Variants in NTRK2 observed in about 807,000 individuals in gnomAD.
NTRK2 encodes BDNF/NT-3 growth factors receptor.
Under a neutral mutation model 94.5 loss-of-function variants are expected in NTRK2, and 13 were observed. That is an observed-to-expected ratio of 0.14 (90% CI 0.09 to 0.22). The LOEUF (loss-of-function observed/expected upper bound fraction) is 0.22. NTRK2 is among the 10% of genes least tolerant of loss of function. The pLI, the probability that NTRK2 is intolerant of heterozygous loss-of-function variation, is 1.00. For synonymous variants in NTRK2, 372 were observed against 407.4 expected, an observed-to-expected ratio of 0.91 and a Z score of 1.05; for missense variants, 639 against 1,071.2, an observed-to-expected ratio of 0.60 and a Z score of 5.63.
At chr9:84,993,339 A>G (rs1829329961) in intron 17 of NTRK2, among the ~76,000 whole-genome samples, 1 of 152,140 alleles carries the variant, frequency 6.6e-6, no homozygotes, top group African/African-American at 2.4e-5. Context: ...TTATCTCAAC[A>G]CAGGCAGCTC....
intron 17 of NTRK2, among the ~76,000 whole-genome samples, chr9:84,986,633 A>G (rs1221702922): frequency 1.3e-5 from 2 of 151,942 alleles, no homozygotes; most frequent in Non-Finnish European, 2.9e-5. Context: ...TTTTTTTGCC[A>G]CCTTACAATA....
At chr9:84,702,574 G>C (rs1242724492) in intron 4 of NTRK2, among the ~76,000 whole-genome samples, 155 bp downstream of exon 4, 2 of 152,100 alleles carry the variant, frequency 1.3e-5, no homozygotes, top group East Asian at 3.9e-4. Context: ...GATTTTGTTT[G>C]ATTTTTTGAA....
At chr9:84,986,431 T>C (rs1313437509) in intron 17 of NTRK2, among the ~76,000 whole-genome samples, 1 of 152,186 alleles carries the variant, frequency 6.6e-6, no homozygotes, top group Non-Finnish European at 1.5e-5. Context: ...CAGTAGGGTT[T>C]GTGCTTTTAT....
At chr9:84,754,120 G>C (rs560048646) in intron 12 of NTRK2, among the ~76,000 whole-genome samples, 1 of 152,288 alleles carries the variant, frequency 6.6e-6, no homozygotes, top group South Asian at 2.1e-4. Context: ...CCACTAAAGC[G>C]TCTACGTTTT....
chr9:84,912,758 C>T (rs1210141951), intron 14 of NTRK2, among the ~76,000 whole-genome samples: 1 of 151,774 alleles, frequency 6.6e-6, no homozygotes, highest in East Asian at 1.9e-4. Context: ...GCTGCGACTA[C>T]AGGCGCCCAC....
At chr9:84,844,858 A>G (rs192300399) in intron 12 of NTRK2, among the ~76,000 whole-genome samples, 3 of 152,180 alleles carry the variant, frequency 2.0e-5, no homozygotes, top group African/African-American at 7.2e-5. Flanking sequence ...CATCCATGTA[A>G]CCAAAAAACA....
At chr9:84,969,670 T>C (rs1825964956) in intron 17 of NTRK2, among the ~76,000 whole-genome samples, 1 of 152,198 alleles carries the variant, frequency 6.6e-6, no homozygotes, top group Non-Finnish European at 1.5e-5. Flanking sequence ...TCTATAACAA[T>C]AATAATGTGG....
intron 2 of NTRK2, among the ~76,000 whole-genome samples, chr9:84,677,917 C>T (rs1411411853): frequency 6.6e-6 from 1 of 152,102 alleles, no homozygotes; most frequent in Non-Finnish European, 1.5e-5. Context: ...TCTTCTTGTA[C>T]AAAATAAAAC....
chr9:84,934,783 G>C (rs2078159141), intron 15 of NTRK2, among the ~76,000 whole-genome samples: 1 of 152,052 alleles, frequency 6.6e-6, no homozygotes, highest in African/African-American at 2.4e-5. Flanking sequence ...AAATCTCCAG[G>C]GTTTTATATA....
intron 9 of NTRK2, among the ~76,000 whole-genome samples, chr9:84,733,929 T>C (rs1334446689): frequency 6.6e-6 from 1 of 152,206 alleles, no homozygotes; most frequent in African/African-American, 2.4e-5. Context: ...TCAGATCTGA[T>C]GTTTGAACTT....
intron 17 of NTRK2, among the ~76,000 whole-genome samples, chr9:84,986,593 T>C (rs1828336929): frequency 6.6e-6 from 1 of 151,570 alleles, no homozygotes; most frequent in South Asian, 2.1e-4. Flanking sequence ...ATCCCTGCTC[T>C]AGAGGGATTG....
intron 14 of NTRK2, among the ~76,000 whole-genome samples, chr9:84,912,328 A>G (rs955573031): frequency 1.3e-5 from 2 of 152,136 alleles, no homozygotes; most frequent in African/African-American, 2.4e-5. Context: ...GGATTTATCA[A>G]TTATTGAAAG....
At chr9:84,799,661 C>G (rs1270564196) in intron 12 of NTRK2, among the ~76,000 whole-genome samples, 2 of 151,752 alleles carry the variant, frequency 1.3e-5, no homozygotes, top group African/African-American at 4.8e-5. Context: ...TGATGTTCAG[C>G]ATGGGAGGGC....
chr9:84,966,170 C>T (rs556706976), intron 17 of NTRK2, among the ~76,000 whole-genome samples: 24 of 152,088 alleles, frequency 1.6e-4, no homozygotes, highest in Admixed American at 3.9e-4. Context: ...TAAGAGAAAA[C>T]GTCTGAAATT....
intron 17 of NTRK2, among the ~76,000 whole-genome samples, chr9:84,968,382 A>G (rs1016970825): frequency 1.8e-4 from 27 of 152,338 alleles, no homozygotes; most frequent in African/African-American, 6.3e-4. Flanking sequence ...ACAGTGGCCC[A>G]CTGTGCAGAG....
At position 84,693,755 on chromosome 9, in the gene NTRK2, G is replaced by A. The variant is rs75322949; in HGVS notation, c.213-8404G>A. Among the ~76,000 whole-genome samples the A allele has an allele frequency of 3.4e-3, 513 of 152,298 alleles. 15 individuals are homozygous for A. In the East Asian group the frequency reaches 0.065, roughly 19 times the overall value. On this transcript the variant is annotated intron_variant, in intron 2 of 18. Transcript: ENST00000277120. ...ATTTTGCAGACAAGGAAACTGAGGC[G>A]TAGGGACTTGTCTCAGGTCATATAG...
At position 84,926,230 on chromosome 9, in the gene NTRK2, C is replaced by A. The variant is rs568519003; in HGVS notation, c.1634-7932C>A. ...TCTTTCTTTCTTTCTTTCTTTCTTTCTTTTTCTTTCCTTCTTTTTGAGATG... is the reference window on the plus strand; with the variant it reads ...TCTTTCTTTCTTTCTTTCTTTCTTTATTTTTCTTTCCTTCTTTTTGAGATG... On this transcript the variant is annotated intron_variant, in intron 14 of 18. Transcript: ENST00000277120. Among the ~76,000 whole-genome samples the A allele has an allele frequency of 5.1e-5, 6 of 117,124 alleles. No homozygotes were observed. In the East Asian group the frequency reaches 7.8e-4, roughly 15 times the overall value. 76.8% of individuals were successfully genotyped at this position (117,124 alleles called of 152,430 possible).
intron 9 of NTRK2, 78 bp from the exon 10 acceptor site, chr9:84,741,814 A>T: frequency 8.1e-7 from 1 of 1,234,676 alleles, no homozygotes; most frequent in Non-Finnish European, 1.2e-6. Context: ...TGTCTAGCTT[A>T]TTTTAGTTGA....
rs190341199 is a variant in NTRK2, at chr9:84,681,958, A to G, written c.212+10998A>G. ...ACCAGCAGCTCTATAAAAAAGAACA[A>G]ATTATAACTGGAAGCTTGCTTGGTG... On this transcript the variant is annotated intron_variant, in intron 2 of 18. Transcript: ENST00000277120. Among the ~76,000 whole-genome samples, 91 of 152,324 alleles carry G rather than the reference A, an allele frequency of 6.0e-4. 1 individual carries two copies. In the East Asian group the frequency reaches 0.017, roughly 29 times the overall value.
Sources: allele counts gnomAD v4.1 joint callset (sites outside exome capture counted in the v4.1 genomes callset), GRCh38; gene constraint gnomAD v4.1.1; transcripts MANE v1.5; gene names NCBI Gene and HGNC (gene_info 2026-07-23, HGNC 2026-07-21).